HHIPL2: variants seen among roughly 807,000 people sequenced by gnomAD.
HHIPL2 encodes HHIP like 2.
Under a neutral mutation model 61.0 loss-of-function variants are expected in HHIPL2, and 61 were observed. That is an observed-to-expected ratio of 1.00 (90% CI 0.81 to 1.24). The LOEUF (loss-of-function observed/expected upper bound fraction) is 1.24, where lower values mean the gene tolerates loss of function less well. Ranked by LOEUF, HHIPL2 falls within the 50% of genes most tolerant of loss-of-function variation. The pLI, the probability that HHIPL2 is intolerant of heterozygous loss-of-function variation, is 0.00. For missense variants in HHIPL2, 885 were observed against 910.2 expected, an observed-to-expected ratio of 0.97 and a Z score of 0.36; for synonymous variants, 343 against 357.4, an observed-to-expected ratio of 0.96 and a Z score of 0.45.
intron 6 of HHIPL2, among the ~76,000 whole-genome samples, chr1:222,530,559 C>T (rs1284017592): frequency 6.6e-6 from 1 of 152,168 alleles, no homozygotes; most frequent in Non-Finnish European, 1.5e-5. Context: ...TCATCTCAAA[C>T]TATCTGTTCA....
chr1:222,523,642 T>C lies in HHIPL2; in HGVS notation c.1858A>G (p.Ser620Gly). 1 of 1,614,172 alleles carries C rather than the reference T, an allele frequency of 6.2e-7. No homozygotes were observed. The highest frequency in any genetic ancestry group is 8.5e-7 in the Non-Finnish European group (1 of 1,180,010). ...KYKPVPVRTK[S>G]KRIPFRPLAK... is the part of the protein sequence containing the mutation. Reference sequence around the variant, plus strand: ...AGTGGTCTGAACGGGATCCGCTTACTCTTGGTTCTCACGGGCACTGGCTTG... The same window carrying C: ...AGTGGTCTGAACGGGATCCGCTTACCCTTGGTTCTCACGGGCACTGGCTTG... The change falls in exon 8 of 9, where the codon AGT (serine) becomes GGT (glycine). Residue 620 changes from serine to glycine, a missense_variant. Coordinates refer to ENST00000343410, the MANE Select transcript of HHIPL2 (RefSeq NM_024746.4).
chr1:222,545,081 A>G lies in HHIPL2; in HGVS notation c.322-892T>C, dbSNP rs1047335921. Among the ~76,000 whole-genome samples the G allele has an allele frequency of 2.0e-5, 3 of 152,190 alleles. No individual in the cohort carries two copies. The East Asian group carries it at 5.8e-4, about 29-fold the overall frequency. On this transcript the variant is annotated intron_variant, in intron 1 of 8. Coordinates refer to ENST00000343410, the MANE Select transcript of HHIPL2 (RefSeq NM_024746.4). ...GACTATAACATTTTTTAGGAGGAAAATAGAATATTGTGAGCAGACGAGCGA... is the reference window on the plus strand; with the variant it reads ...GACTATAACATTTTTTAGGAGGAAAGTAGAATATTGTGAGCAGACGAGCGA...
chr1:222,544,305 G>T (rs1222070470), intron 1 of HHIPL2, 116 bp from the exon 2 acceptor site: 1 of 1,192,920 alleles, frequency 8.4e-7, no homozygotes, highest in Non-Finnish European at 1.2e-6. Flanking sequence ...TCAGGATTTT[G>T]GAGTTTTTGT....
At chr1:222,547,020 C>T (rs991971856) in intron 1 of HHIPL2, among the ~76,000 whole-genome samples, 1 of 152,258 alleles carries the variant, frequency 6.6e-6, no homozygotes, top group Non-Finnish European at 1.5e-5. Flanking sequence ...CCATTAACCC[C>T]CAAACACCCT....
Position 222,540,295 on chromosome 1 carries a change from C to T in HHIPL2, c.1165G>A (p.Gly389Ser). The T allele has an allele frequency of 1.2e-6, 2 of 1,613,868 alleles. No individual in the cohort carries two copies. Among genetic ancestry groups the T allele is most frequent in the Non-Finnish European group, 1.7e-6 (2 of 1,179,884 alleles). Residue 389 changes from glycine to serine, a missense_variant, in exon 4 of 9, where the codon GGC becomes AGC. By Grantham distance (56) the Gly-to-Ser change is moderately conservative. Transcript: ENST00000343410. ...KVLRIDVNRAGSHGKRYRVPS... is the reference protein window; with the variant it reads ...KVLRIDVNRASSHGKRYRVPS... Reference sequence around the variant, plus strand: ...ACTCGGTACCGCTTGCCATGTGAGCCTGCCCTGTTCACATCGATCCTTAAA... The same window carrying T: ...ACTCGGTACCGCTTGCCATGTGAGCTTGCCCTGTTCACATCGATCCTTAAA...
intron 5 of HHIPL2, among the ~76,000 whole-genome samples, chr1:222,538,246 GTGTA>G (rs1558130133): frequency 1.6e-5 from 2 of 125,742 alleles, no homozygotes; most frequent in African/African-American, 3.2e-5. Context: ...GTGTGTGTGT[GTGTA>G]TGTATGTCAA....
At chr1:222,523,428 C>T (rs781031812) in intron 8 of HHIPL2, among the ~76,000 whole-genome samples, 184 bp downstream of exon 8, 3 of 152,192 alleles carry the variant, frequency 2.0e-5, no homozygotes, top group East Asian at 3.9e-4. Flanking sequence ...TAGAGGAAAC[C>T]GGTCACAGTA....
At chr1:222,536,004 T>C (rs977217171) in intron 5 of HHIPL2, among the ~76,000 whole-genome samples, 14 of 152,090 alleles carry the variant, frequency 9.2e-5, no homozygotes, top group African/African-American at 2.7e-4. Flanking sequence ...AAAGTAGTAC[T>C]CGGGGGGAAA....
chr1:222,545,195 G>A (rs1257298742), intron 1 of HHIPL2, among the ~76,000 whole-genome samples: 1 of 152,210 alleles, frequency 6.6e-6, no homozygotes, highest in Non-Finnish European at 1.5e-5. Flanking sequence ...CCGTGCATTA[G>A]AGCAGAGTTC....
At chr1:222,522,993 A>C (rs571811770) in intron 8 of HHIPL2, 106 bp from the exon 9 acceptor site, 8 of 912,062 alleles carry the variant, frequency 8.8e-6, no homozygotes, top group Non-Finnish European at 1.3e-5. Context: ...ATTCTTATTA[A>C]TACTTTTAAT....
intron 7 of HHIPL2, among the ~76,000 whole-genome samples, chr1:222,524,594 TAGTC>T (rs1192948062): frequency 3.3e-5 from 5 of 152,304 alleles, no homozygotes; most frequent in Admixed American, 1.3e-4. Flanking sequence ...GCCACATAGT[TAGTC>T]AGTGGCAAAG....
In HHIPL2 at chr1:222,543,570, G is replaced by T. The variant is rs1226240271; in HGVS notation, c.941C>A (p.Ala314Asp). ...TTTCAGGTCAGCTTTGTTAGGATCA[G>T]CCCGAGAAACCTTCATCTCACTAAT... Reference protein sequence around the residue: ...IRISEMKVSRADPNKADLKSE... With the variant: ...IRISEMKVSRDDPNKADLKSE... Residue 314 changes from alanine (A) to aspartate (D), a missense_variant, in exon 2 of 9, where the codon GCT becomes GAT. Coordinates refer to ENST00000343410, the MANE Select transcript of HHIPL2 (RefSeq NM_024746.4). 4 of 1,613,864 alleles carry T rather than the reference G, an allele frequency of 2.5e-6. No homozygotes were observed. Among genetic ancestry groups the T allele is most frequent in the South Asian group, 1.1e-5 (1 of 91,060 alleles).
Position 222,525,705 on chromosome 1 carries a change from A to G in HHIPL2, c.1805+1264T>C, listed in dbSNP as rs1659048377. On this transcript the variant is annotated intron_variant, in intron 7 of 8. Coordinates refer to ENST00000343410, the MANE Select transcript of HHIPL2 (RefSeq NM_024746.4). ...TTGGCAATAATTTTTAGATAAATCTAGAGCACTGGGGCAGGGTGCATGGTG... is the reference window on the plus strand; with the variant it reads ...TTGGCAATAATTTTTAGATAAATCTGGAGCACTGGGGCAGGGTGCATGGTG... Among the ~76,000 whole-genome samples, 3 of 152,212 alleles carry G rather than the reference A, an allele frequency of 2.0e-5. No homozygotes were observed. In the East Asian group the frequency reaches 5.8e-4, roughly 29 times the overall value.
Position 222,543,795 on chromosome 1 carries a change from C to G in HHIPL2, c.716G>C (p.Gly239Ala). ...ATCAGGGAGGTAGACCCACACCACT[C>G]CTACCTGCTCGGCAACAAAGAAGCG... ...THRFFVAEQV[G>A]VVWVYLPDGS... Residue 239 changes from glycine (G) to alanine (A), a missense_variant, in exon 2 of 9, where the codon GGA (glycine) becomes GCA (alanine). By Grantham distance (60) the Gly-to-Ala change is moderately conservative (BLOSUM62 0). Coordinates refer to ENST00000343410, the MANE Select transcript of HHIPL2 (RefSeq NM_024746.4). 1.2e-6 allele frequency: 2 copies of G among 1,614,118 alleles called. No individual in the cohort carries two copies. The highest frequency in any genetic ancestry group is 1.7e-6 in the Non-Finnish European group (2 of 1,180,024).
intron 5 of HHIPL2, 108 bp from the exon 6 acceptor site, chr1:222,532,219 T>C (rs1659207983): frequency 1.0e-5 from 10 of 970,814 alleles, no homozygotes; most frequent in African/African-American, 1.6e-5. Flanking sequence ...AGTCCCCCAT[T>C]AAGAGATCAA....
At position 222,522,579 on chromosome 1, in the gene HHIPL2, G is replaced by A. The variant is rs774616466; in HGVS notation, c.*22C>T. 31 of 1,604,882 alleles carry A rather than the reference G, an allele frequency of 1.9e-5. No homozygotes were observed. Among genetic ancestry groups the A allele is most frequent in the Non-Finnish European group, 2.6e-5 (31 of 1,177,742 alleles). On this transcript the variant is annotated 3_prime_UTR_variant, in exon 9 of 9. Transcript: ENST00000343410. Reference sequence around the variant, plus strand: ...TGGCTCTCCTCTCTCACGTCACCCTGTCGGCCACCTTGACCAATAGGTCAA... The same window carrying A: ...TGGCTCTCCTCTCTCACGTCACCCTATCGGCCACCTTGACCAATAGGTCAA...
intron 5 of HHIPL2, among the ~76,000 whole-genome samples, chr1:222,536,897 AT>A (rs66516863): frequency 1.5e-4 from 20 of 135,424 alleles, no homozygotes; most frequent in South Asian, 4.7e-4. Flanking sequence ...AAAAAAAAAA[AT>A]TTTTTTTAAT....
intron 7 of HHIPL2, among the ~76,000 whole-genome samples, chr1:222,526,668 G>T (rs964995891): frequency 3.0e-5 from 4 of 131,832 alleles, no homozygotes; most frequent in African/African-American, 1.2e-4. Flanking sequence ...TGGCACCATT[G>T]CACTCCAGCC....
At position 222,526,000 on chromosome 1, in the gene HHIPL2, TAAATAAA is replaced by T. The variant is rs752254906; in HGVS notation, c.1805+962_1805+968del. Among the ~76,000 whole-genome samples the T allele has an allele frequency of 2.3e-3, 356 of 151,678 alleles. 4 individuals carry two copies. Among genetic ancestry groups the T allele is most frequent in the Middle Eastern group, 3.4e-3 (1 of 294 alleles). On this transcript the variant is annotated intron_variant, in intron 7 of 8. Transcript: ENST00000343410. ...GGAAACAGAGTGAGACTGTGTCTAT[TAAATAAA>T]AAATAAAAAATAAAAATAAAAAAAA...
Sources: gnomAD v4.1 joint callset for allele counts (sites outside exome capture counted in the v4.1 genomes callset) on GRCh38, gnomAD v4.1.1 for gene constraint, MANE v1.5 for transcripts, NCBI Gene and HGNC (gene_info 2026-07-23, HGNC 2026-07-21) for gene names.